PPARGC1A: variants seen among roughly 807,000 people sequenced by gnomAD.
PPARGC1A encodes PPARG coactivator 1 alpha.
A neutral mutation model predicts 88.7 loss-of-function variants in PPARGC1A; 25 were observed. The ratio of observed to expected loss-of-function variants is 0.28; its 90% confidence interval spans 0.21 to 0.39. The LOEUF is 0.39. Ranked by LOEUF, PPARGC1A falls within the 10% of genes least tolerant of loss-of-function variation. The probability of loss-of-function intolerance (pLI) is 1.00; values close to 1 mark genes in which losing one functional copy is unlikely to be tolerated. For synonymous variants in PPARGC1A, 363 were observed against 355.6 expected (o/e 1.02, Z -0.24); for missense variants, 880 against 968.7 (o/e 0.91, Z 1.22).
the PPARGC1A span, among the ~76,000 whole-genome samples, chr4:24,439,689 G>A: frequency 1.9e-4 from 29 of 152,300 alleles, no homozygotes; most frequent in Non-Finnish European, 3.2e-4. Flanking sequence ...CTCAACAGTA[G>A]GCATAGGGAT....
the PPARGC1A span, among the ~76,000 whole-genome samples, chr4:23,975,057 G>T: frequency 6.6e-6 from 1 of 151,826 alleles, no homozygotes; most frequent in Admixed American, 6.6e-5. Flanking sequence ...GCAGGAGAGA[G>T]GTTATAATGC....
the PPARGC1A span, among the ~76,000 whole-genome samples, chr4:24,001,039 T>C: frequency 6.6e-6 from 1 of 152,224 alleles, no homozygotes; most frequent in African/African-American, 2.4e-5. Flanking sequence ...TATTACACTT[T>C]CCTTTTTATC....
chr4:24,203,985 A>G, the PPARGC1A span, among the ~76,000 whole-genome samples: 1 of 152,238 alleles, frequency 6.6e-6, no homozygotes, highest in Non-Finnish European at 1.5e-5. Context: ...TATTATAGAT[A>G]TTGAACTGAA....
At chr4:23,919,622 G>GT in the PPARGC1A span, among the ~76,000 whole-genome samples, 1 of 150,412 alleles carries the variant, frequency 6.6e-6, no homozygotes, top group Non-Finnish European at 1.5e-5. Flanking sequence ...TCTCTTCTAA[G>GT]TTCCCAATAA....
chr4:23,969,083 C>T, the PPARGC1A span, among the ~76,000 whole-genome samples: 62 of 152,244 alleles, frequency 4.1e-4, no homozygotes, highest in East Asian at 2.1e-3. Flanking sequence ...ATTTTCCTGA[C>T]GAGAGCTCTG....
At chr4:24,331,647 G>T in the PPARGC1A span, among the ~76,000 whole-genome samples, 1 of 152,072 alleles carries the variant, frequency 6.6e-6, no homozygotes, top group African/African-American at 2.4e-5. Context: ...GAGCAGTTGT[G>T]CTCATGTACA....
chr4:23,977,743 T>C, the PPARGC1A span, among the ~76,000 whole-genome samples: 1 of 152,320 alleles, frequency 6.6e-6, no homozygotes, highest in Admixed American at 6.5e-5. Context: ...AATACAAATA[T>C]GACAAATTAA....
At chr4:24,206,840 T>TAAAAAAAAAA in the PPARGC1A span, among the ~76,000 whole-genome samples, 1 of 43,680 alleles carries the variant, frequency 2.3e-5, no homozygotes, top group African/African-American at 7.4e-5. Context: ...GACTTCACCT[T>TAAAAAAAAAA]AAAAAAAAAA....
chr4:23,866,482 C>A (rs1712020717), intron 2 of PPARGC1A, among the ~76,000 whole-genome samples: 1 of 152,126 alleles, frequency 6.6e-6, no homozygotes, highest in South Asian at 2.1e-4. Context: ...TTTTAAAAAT[C>A]TATATGAAAA....
chr4:24,377,512 C>T, the PPARGC1A span, among the ~76,000 whole-genome samples: 1 of 152,090 alleles, frequency 6.6e-6, no homozygotes, highest in Non-Finnish European at 1.5e-5. Context: ...TACTGAAGTT[C>T]AGCCTGATTC....
chr4:24,233,375 CTTTT>C, the PPARGC1A span, among the ~76,000 whole-genome samples: 1 of 152,090 alleles, frequency 6.6e-6, no homozygotes, highest in Non-Finnish European at 1.5e-5. Context: ...CTCTCTCTCT[CTTTT>C]CTCATCTTCC....
the PPARGC1A span, among the ~76,000 whole-genome samples, chr4:24,242,435 C>T: frequency 6.6e-6 from 1 of 152,200 alleles, no homozygotes; most frequent in South Asian, 2.1e-4. Context: ...AGTTTTCCTA[C>T]CTGGAACACC....
chr4:23,960,287 G>T, the PPARGC1A span, among the ~76,000 whole-genome samples: 3 of 152,130 alleles, frequency 2.0e-5, no homozygotes, highest in East Asian at 5.8e-4. Flanking sequence ...TGGGATGCAA[G>T]AGGGGAGAGA....
the PPARGC1A span, among the ~76,000 whole-genome samples, chr4:24,125,276 T>G: frequency 6.6e-6 from 1 of 152,106 alleles, no homozygotes; most frequent in Non-Finnish European, 1.5e-5. Flanking sequence ...TGCCAGGTCC[T>G]CCCCCAATGA....
the PPARGC1A span, among the ~76,000 whole-genome samples, chr4:24,046,607 C>A: frequency 6.6e-6 from 1 of 152,130 alleles, no homozygotes; most frequent in Non-Finnish European, 1.5e-5. Context: ...AATCTAAGAT[C>A]TTTAGTATGT....
the PPARGC1A span, among the ~76,000 whole-genome samples, chr4:24,401,723 A>G: frequency 2.0e-5 from 3 of 152,168 alleles, no homozygotes; most frequent in South Asian, 6.2e-4. Flanking sequence ...TTTGCCTTGA[A>G]CCAAGCTACT....
At chr4:24,321,834 C>CA in the PPARGC1A span, among the ~76,000 whole-genome samples, 1 of 152,210 alleles carries the variant, frequency 6.6e-6, no homozygotes, top group Non-Finnish European at 1.5e-5. Context: ...TAAGAACAGA[C>CA]AACAACTCAG....
the PPARGC1A span, among the ~76,000 whole-genome samples, chr4:24,454,200 AC>A: frequency 1.3e-5 from 2 of 151,202 alleles, no homozygotes; most frequent in African/African-American, 4.9e-5. Flanking sequence ...ACATAAGTGA[AC>A]CCAGCTGAGT....
At chr4:23,985,659 CAAAACAAAACA>C in the PPARGC1A span, among the ~76,000 whole-genome samples, 1 of 151,666 alleles carries the variant, frequency 6.6e-6, no homozygotes, top group African/African-American at 2.4e-5. Flanking sequence ...GACAATGGAG[CAAAACAAAACA>C]AAAACAAACT....
Sources: gnomAD v4.1 joint callset for allele counts (sites outside exome capture counted in the v4.1 genomes callset) on GRCh38, gnomAD v4.1.1 for gene constraint, MANE v1.5 for transcripts, NCBI Gene and HGNC (gene_info 2026-07-23, HGNC 2026-07-21) for gene names.